The following CYRIA variants were observed in gnomAD, a reference collection of about 807,000 sequenced individuals.
CYRIA encodes the protein CYFIP related Rac1 interactor A.
Under a neutral mutation model 43.9 loss-of-function variants are expected in CYRIA, and 15 were observed. That is an observed-to-expected ratio of 0.34 (90% CI 0.23 to 0.53). The LOEUF is 0.53. Among genes scored for constraint, CYRIA ranks in the 20% least tolerant of loss-of-function variants. The probability of loss-of-function intolerance (pLI) is 0.94; values close to 1 mark genes in which losing one functional copy is unlikely to be tolerated. For synonymous variants in CYRIA, 117 were observed against 136.0 expected, an observed-to-expected ratio of 0.86 and a Z score of 0.97; for missense variants, 236 against 394.2, an observed-to-expected ratio of 0.60 and a Z score of 3.40.
intron 2 of CYRIA, among the ~76,000 whole-genome samples, chr2:16,603,877 T>C (rs1036694134): frequency 4.6e-5 from 7 of 152,244 alleles, no homozygotes; most frequent in Non-Finnish European, 1.0e-4. Context: ...TTTCAGAAAG[T>C]TATTCAAACA....
intron 4 of CYRIA, among the ~76,000 whole-genome samples, chr2:16,565,190 T>C (rs1466627409): frequency 6.6e-6 from 1 of 151,930 alleles, no homozygotes; most frequent in African/African-American, 2.4e-5. Flanking sequence ...TTTTTTTTTT[T>C]TTGAGACAGA....
At chr2:16,648,627 GT>G (rs1203250693) in intron 1 of CYRIA, among the ~76,000 whole-genome samples, 1 of 152,202 alleles carries the variant, frequency 6.6e-6, no homozygotes, top group African/African-American at 2.4e-5. Context: ...TGGCTTTGCT[GT>G]TTTCTAATCT....
At chr2:16,661,524 C>A (rs1208352542) in intron 1 of CYRIA, among the ~76,000 whole-genome samples, 1 of 152,208 alleles carries the variant, frequency 6.6e-6, no homozygotes, top group Non-Finnish European at 1.5e-5. Flanking sequence ...TCCTTTAACT[C>A]AGATGTGTCA....
chr2:16,556,444 T>A (rs976401830), intron 10 of CYRIA, among the ~76,000 whole-genome samples: 1 of 152,120 alleles, frequency 6.6e-6, no homozygotes, highest in Admixed American at 6.5e-5. Context: ...AGTGTTCTTA[T>A]GAACCAGGCC....
chr2:16,551,575 A>G lies in CYRIA; in HGVS notation c.*1361T>C, dbSNP rs1417568452. On this transcript the variant is annotated 3_prime_UTR_variant, in exon 12 of 12. Coordinates refer to ENST00000381323, the MANE Select transcript of CYRIA (RefSeq NM_030797.4). ...TTTCATTTTTCCTTAGGAGGTCAGAATCAGAGATTTTCATGATTCCATTCG... is the reference window on the plus strand; with the variant it reads ...TTTCATTTTTCCTTAGGAGGTCAGAGTCAGAGATTTTCATGATTCCATTCG... 1 of 152,144 alleles carries G rather than the reference A, an allele frequency of 6.6e-6. No homozygotes were observed. The highest frequency in any genetic ancestry group is 1.5e-5 in the Non-Finnish European group (1 of 68,010). The allele number at this position is 152,144 out of a possible 1,614,324, so 9.4% of individuals were successfully genotyped here.
At chr2:16,558,761 C>A (rs992400957) in intron 10 of CYRIA, among the ~76,000 whole-genome samples, 3 of 152,104 alleles carry the variant, frequency 2.0e-5, no homozygotes, top group African/African-American at 7.2e-5. Context: ...ATAGAGCAGA[C>A]ATGAGGTATA....
intron 10 of CYRIA, among the ~76,000 whole-genome samples, chr2:16,558,024 G>A (rs1255961865): frequency 6.6e-6 from 1 of 152,070 alleles, no homozygotes; most frequent in East Asian, 1.9e-4. Context: ...AATGAAATAT[G>A]TTTCAAAATA....
chr2:16,630,456 C>T (rs1190882271), intron 1 of CYRIA, among the ~76,000 whole-genome samples: 2 of 152,002 alleles, frequency 1.3e-5, no homozygotes, highest in Non-Finnish European at 2.9e-5. Flanking sequence ...CACATTAGTC[C>T]CATTTCCCAA....
At chr2:16,611,302 T>C (rs1572504774) in intron 2 of CYRIA, among the ~76,000 whole-genome samples, 1 of 151,710 alleles carries the variant, frequency 6.6e-6, no homozygotes, top group African/African-American at 2.4e-5. Flanking sequence ...GAGGTGGAGG[T>C]TGCAGTGAGC....
intron 1 of CYRIA, among the ~76,000 whole-genome samples, chr2:16,645,592 A>G (rs1669796730): frequency 6.6e-6 from 1 of 152,220 alleles, no homozygotes; most frequent in Non-Finnish European, 1.5e-5. Context: ...GTCATTGGAA[A>G]AGGAGATGGG....
intron 2 of CYRIA, among the ~76,000 whole-genome samples, chr2:16,601,722 A>AAT (rs952236895): frequency 4.0e-5 from 6 of 150,898 alleles, no homozygotes; most frequent in African/African-American, 1.5e-4. Context: ...AAAAAAAAAA[A>AAT]AAAAGAGAGA....
chr2:16,657,178 A>G (rs1670138215), intron 1 of CYRIA, among the ~76,000 whole-genome samples: 1 of 152,228 alleles, frequency 6.6e-6, no homozygotes, highest in African/African-American at 2.4e-5. Flanking sequence ...GACAAGCTCA[A>G]GCTCACTTTA....
At chr2:16,610,970 T>C (rs529149619) in intron 2 of CYRIA, among the ~76,000 whole-genome samples, 2 of 140,302 alleles carry the variant, frequency 1.4e-5, no homozygotes, top group African/African-American at 2.6e-5. Context: ...CTATCAAAAA[T>C]GTAATATTTA....
chr2:16,629,179 G>A (rs898608014), intron 1 of CYRIA, among the ~76,000 whole-genome samples: 3 of 152,136 alleles, frequency 2.0e-5, no homozygotes, highest in Non-Finnish European at 2.9e-5. Context: ...ACACAGACCT[G>A]GGGTCCTCAG....
At chr2:16,588,215 C>A (rs1008946270) in intron 2 of CYRIA, 86 bp from the exon 3 acceptor site, 48 of 769,526 alleles carry the variant, frequency 6.2e-5, no homozygotes, top group Non-Finnish European at 1.7e-5. Flanking sequence ...CCCATAGCTA[C>A]CTTTGAAGAC....
intron 10 of CYRIA, among the ~76,000 whole-genome samples, chr2:16,555,955 G>A (rs1360072869): frequency 6.6e-6 from 1 of 152,056 alleles, no homozygotes; most frequent in South Asian, 2.1e-4. Context: ...TTAGCTTTTT[G>A]TGTCTGTATA....
chr2:16,588,059 C>G lies in CYRIA; in HGVS notation c.61G>C (p.Asp21His). Residue 21 changes from aspartate to histidine, a missense_variant, in exon 3 of 12, where the codon GAT becomes CAT. Transcript: ENST00000381323. ...EIENYPHFFL[D>H]FENAQPTEGE... is the part of the protein sequence containing the mutation. Reference sequence around the variant, plus strand: ...AATTTTTGGAACTTACTTTCAAAATCCAGGAAAAAGTGTGGATAGTTTTCA... The same window carrying G: ...AATTTTTGGAACTTACTTTCAAAATGCAGGAAAAAGTGTGGATAGTTTTCA... 1 of 1,604,324 alleles carries G rather than the reference C, an allele frequency of 6.2e-7. No individual in the cohort carries two copies. Among genetic ancestry groups the G allele is most frequent in the Non-Finnish European group, 8.5e-7 (1 of 1,175,194 alleles).
Position 16,551,866 on chromosome 2 carries a change from G to A in CYRIA, c.*1070C>T, listed in dbSNP as rs1309244729. The A allele has an allele frequency of 1.3e-5, 2 of 152,076 alleles. No homozygotes were observed. The highest frequency in any genetic ancestry group is 1.3e-4 in the Admixed American group (2 of 15,256). The allele number at this position is 152,076 out of a possible 1,614,324, so 9.4% of individuals were successfully genotyped here. On this transcript the variant is annotated 3_prime_UTR_variant, in exon 12 of 12. Transcript: ENST00000381323. ...TTAGTAAGGCCAGGAGTAAATTCAG[G>A]TGCACCAGGGCTTTTATATTGCAAC...
intron 1 of CYRIA, among the ~76,000 whole-genome samples, chr2:16,640,127 G>T: frequency 6.6e-6 from 1 of 152,070 alleles, no homozygotes; most frequent in East Asian, 1.9e-4. Context: ...GCGCCTGCAC[G>T]CACACACACA....
Sources: gnomAD v4.1 joint callset for allele counts (sites outside exome capture counted in the v4.1 genomes callset) on GRCh38, gnomAD v4.1.1 for gene constraint, MANE v1.5 for transcripts, NCBI Gene and HGNC (gene_info 2026-07-23, HGNC 2026-07-21) for gene names.